TNK2: variants seen among roughly 807,000 people sequenced by gnomAD.
TNK2 encodes activated CDC42 kinase 1.
Under a neutral mutation model 101.8 loss-of-function variants are expected in TNK2, and 83 were observed. The observed-to-expected ratio is 0.82, with a 90% CI of 0.68 to 0.98. The LOEUF (loss-of-function observed/expected upper bound fraction) is 0.98. Ranked by LOEUF, TNK2 falls within the 50% of genes least tolerant of loss-of-function variation. The pLI is 0.00. For synonymous variants in TNK2, 804 were observed against 633.0 expected (o/e 1.27, Z -4.06); for missense variants, 1,665 against 1,483.2 (o/e 1.12, Z -2.01).
intron 1 of TNK2, chr3:195,891,982 G>C: frequency 1.0e-6 from 1 of 1,002,668 alleles, no homozygotes; most frequent in East Asian, 1.0e-4. Context: ...GATGCATGTG[G>C]GAGGACGGGA....
chr3:195,896,189 C>G (rs1420966719), intron 1 of TNK2: 1 of 445,350 alleles, frequency 2.2e-6, no homozygotes, highest in African/African-American at 2.0e-5. Context: ...GGCAGAGGCT[C>G]TTCCTCTCCC....
chr3:195,899,499 A>G, intron 1 of TNK2, among the ~76,000 whole-genome samples: 1 of 151,972 alleles, frequency 6.6e-6, no homozygotes, highest in Non-Finnish European at 1.5e-5. Context: ...GCTAATTTTT[A>G]TATTTTTAGT....
rs375747881 is a variant in TNK2, at chr3:195,868,378, G to A, written c.1920C>T (p.Asp640=). The A allele has an allele frequency of 2.0e-4, 311 of 1,593,054 alleles. No homozygotes were observed. Among genetic ancestry groups the A allele is most frequent in the East Asian group, 2.5e-4 (11 of 44,742 alleles). The stretch of plus-strand genomic sequence containing the variant: ...CGGGCGGGGGGGGCAGCGGGCGTGC[G>A]TCCCAGTCCACCACAGGCGTGGGGT... ...PLHPTPVVDW[D]ARPLPPPPAY... is the part of the protein sequence containing the mutation. The change falls in exon 13 of 16, where the codon GAC becomes GAT. Residue 640 remains aspartate (D), a synonymous_variant. Coordinates refer to ENST00000672887, the MANE Select transcript of TNK2 (RefSeq NM_001382273.1).
rs59178606 is a variant in TNK2, at chr3:195,898,665, G to A, written c.-19+9820C>T. Among the ~76,000 whole-genome samples, 3,528 of 152,166 alleles carry A rather than the reference G, an allele frequency of 0.023. 299 individuals are homozygous for A. The East Asian group carries it at 0.29, about 13-fold the overall frequency. The stretch of plus-strand genomic sequence containing the variant: ...TTAAGAGACTGGGTCTTGCTCTGTT[G>A]CCCAGGCTGGAGTGCAGTGGTGTGA... On this transcript the variant is annotated intron_variant, in intron 1 of 15. Coordinates refer to ENST00000672887, the MANE Select transcript of TNK2 (RefSeq NM_001382273.1).
chr3:195,895,426 G>GT (rs1386286594), intron 1 of TNK2: 1 of 1,493,430 alleles, frequency 6.7e-7, no homozygotes, highest in African/African-American at 1.5e-5. Flanking sequence ...TCCTCCAGAA[G>GT]TGCAGGGCCG....
At chr3:195,895,748 A>G (rs1011742017) in intron 1 of TNK2, 46 of 341,250 alleles carry the variant, frequency 1.3e-4, no homozygotes, top group African/African-American at 9.8e-4. Flanking sequence ...TATTCACGGT[A>G]AGGGGCCATC....
At chr3:195,883,452 G>A (rs992589321) in intron 4 of TNK2, 143 bp from the exon 5 acceptor site, 1 of 965,060 alleles carries the variant, frequency 1.0e-6, no homozygotes, top group Non-Finnish European at 1.5e-6. Context: ...ACCAGTGCCT[G>A]GGCTTACGTG....
chr3:195,868,462 G>A lies in TNK2; in HGVS notation c.1836C>T (p.Cys612=), dbSNP rs765483790. 1.4e-4 allele frequency: 211 copies of A among 1,559,012 alleles called. No homozygotes were observed. Among genetic ancestry groups the A allele is most frequent in the Non-Finnish European group, 1.7e-4 (195 of 1,163,762 alleles). ...GAGGCGGGGTCTCGTCCAGCAGGGAGCAGGCGTCCATGGCCAGCTGCGCCA... is the reference window on the plus strand; with the variant it reads ...GAGGCGGGGTCTCGTCCAGCAGGGAACAGGCGTCCATGGCCAGCTGCGCCA... ...PSLAQLAMDA[C]SLLDETPPQS... Residue 612 remains cysteine, a synonymous_variant, in exon 13 of 16, where the codon TGC becomes TGT. Coordinates refer to ENST00000672887, the MANE Select transcript of TNK2 (RefSeq NM_001382273.1).
intron 1 of TNK2, among the ~76,000 whole-genome samples, chr3:195,897,189 C>T (rs571847929): frequency 6.6e-6 from 1 of 152,264 alleles, no homozygotes; most frequent in Non-Finnish European, 1.5e-5. Context: ...AGAGCCCAGG[C>T]TTCTGGAGCA....
rs553535611 is a variant in TNK2 at position 195,868,585 on chromosome 3, C to G, written c.1713G>C (p.Pro571=). The change falls in exon 13 of 16, where the codon CCG becomes CCC. Residue 571 remains proline, a synonymous_variant. Transcript: ENST00000672887. ...CGCTGCCTCGGCTGGCCTTGGTGCC[C>G]GGCACCCGCGCCGAGGGCTTCGCCA... The part of the protein sequence containing the change: ...LWLAKPSARV[P]GTKASRGSGA... 4 of 1,573,428 alleles carry G rather than the reference C, an allele frequency of 2.5e-6. No homozygotes were observed. Among genetic ancestry groups the G allele is most frequent in the Non-Finnish European group, 3.4e-6 (4 of 1,169,096 alleles).
Position 195,878,130 on chromosome 3 carries a change from G to A in TNK2, c.1256+123C>T, listed in dbSNP as rs1750464774. On this transcript the variant is annotated intron_variant, in intron 9 of 15. Transcript: ENST00000672887. The surrounding 1 kb of genome is among the most constrained non-coding windows in gnomAD (Gnocchi z 4.7). ...CCTCCCCTCACACTGCAGGGTTCAG[G>A]CCCAACCGCCAGCCTGTATGTGGCC... The A allele has an allele frequency of 8.8e-6, 9 of 1,025,696 alleles. No homozygotes were observed. The South Asian group carries it at 9.6e-5, about 11-fold the overall frequency. The allele number at this position is 1,025,696 out of a possible 1,614,324, so 63.5% of individuals were successfully genotyped here. A position where few individuals can be genotyped will look rare whatever the true frequency, so the allele number is the denominator to read the frequency against.
intron 1 of TNK2, chr3:195,895,400 G>A: frequency 3.9e-6 from 6 of 1,534,940 alleles, no homozygotes; most frequent in South Asian, 1.2e-5. Flanking sequence ...CGTCCTGGGG[G>A]GCCGGGCCTC....
intron 12 of TNK2, chr3:195,868,944 C>T (rs75037234): frequency 0.011 from 6,186 of 558,522 alleles, 64 homozygotes; most frequent in South Asian, 0.026. Flanking sequence ...GTGAGCCCCG[C>T]CTCGCTCCGT....
At chr3:195,870,248 T>C (rs757808066) in intron 10 of TNK2, 43 bp from the exon 11 acceptor site, 4 of 1,598,322 alleles carry the variant, frequency 2.5e-6, no homozygotes, top group East Asian at 4.6e-5. Flanking sequence ...GGGAAGCGTG[T>C]GGAGGGGTGG....
chr3:195,882,429 G>A lies in TNK2; in HGVS notation c.610-101C>T, dbSNP rs1753579589. On this transcript the variant is annotated intron_variant, in intron 5 of 15. Coordinates refer to ENST00000672887, the MANE Select transcript of TNK2 (RefSeq NM_001382273.1). The surrounding 1 kb of genome is among the most constrained non-coding windows in gnomAD (Gnocchi z 4.2). ...GTCCCCTTCCTGAAGGCTTTCCAGA[G>A]CCAGGCTGCACGCACCTTCCTGGCC... The A allele has an allele frequency of 1.9e-6, 3 of 1,566,120 alleles. No individual in the cohort carries two copies. The highest frequency in any genetic ancestry group is 2.7e-5 in the African/African-American group (2 of 73,648).
Position 195,897,399 on chromosome 3 carries a change from C to T in TNK2, c.-18-8793G>A, listed in dbSNP as rs554965250. Among the ~76,000 whole-genome samples, 7 of 152,368 alleles carry T rather than the reference C, an allele frequency of 4.6e-5. No individual in the cohort carries two copies. In the South Asian group the frequency reaches 1.0e-3, roughly 23 times the overall value. On this transcript the variant is annotated intron_variant, in intron 1 of 15. Coordinates refer to ENST00000672887, the MANE Select transcript of TNK2 (RefSeq NM_001382273.1). ...ATCTCCAGGACACGGGGGCCCACTC[C>T]CTCCCAGGGGGGCCTGGCAGCTGAG...
chr3:195,880,718 A>ACC (rs1173040587), intron 6 of TNK2, among the ~76,000 whole-genome samples: 1 of 44,590 alleles, frequency 2.2e-5, no homozygotes, highest in Admixed American at 2.4e-4. Context: ...TCCCTGTAAC[A>ACC]CCCCCCCAGC....
intron 1 of TNK2, chr3:195,892,590 G>C (rs1308767532): frequency 1.8e-5 from 27 of 1,459,628 alleles, no homozygotes; most frequent in Non-Finnish European, 2.4e-5. Context: ...CCACACCAGG[G>C]GTGGGAAATG....
At chr3:195,896,158 C>T (rs1475817387) in intron 1 of TNK2, 2 of 455,084 alleles carry the variant, frequency 4.4e-6, no homozygotes, top group Admixed American at 2.4e-5. Flanking sequence ...GCGAGGCCAT[C>T]GCCGGCACAG....
Sources: gnomAD v4.1 joint callset for allele counts (sites outside exome capture counted in the v4.1 genomes callset) on GRCh38, gnomAD v4.1.1 for gene constraint, Gnocchi (gnomAD v3.1) non-coding constraint, MANE v1.5 for transcripts, NCBI Gene and HGNC (gene_info 2026-07-23, HGNC 2026-07-21) for gene names.